ATP2C2: variants seen among roughly 807,000 people sequenced by gnomAD.
ATP2C2 encodes ATPase secretory pathway Ca2+ transporting 2.
A neutral mutation model predicts 110.8 loss-of-function variants in ATP2C2; 171 were observed. The ratio of observed to expected loss-of-function variants is 1.54; its 90% CI spans 1.36 to 1.75. ATP2C2 has a LOEUF of 1.75. ATP2C2 is among the 40% of genes most tolerant of loss of function. ATP2C2 has a pLI of 0.00. For missense variants in ATP2C2, 1,963 were observed against 1,235.0 expected (o/e 1.59, Z -8.84); for synonymous variants, 804 against 508.4 (o/e 1.58, Z -7.82).
chr16:84,386,424 A>G (rs1436684970), intron 1 of ATP2C2, among the ~76,000 whole-genome samples: 1 of 152,184 alleles, frequency 6.6e-6, no homozygotes, highest in East Asian at 1.9e-4. Context: ...TACCATTAGC[A>G]TATTTCCTTA....
chr16:84,375,464 C>T lies in ATP2C2; in HGVS notation c.99+6750C>T, dbSNP rs528082897. Among the ~76,000 whole-genome samples, 7 of 150,264 alleles carry T rather than the reference C, an allele frequency of 4.7e-5. No homozygotes were observed. The South Asian group carries it at 1.5e-3, about 32-fold the overall frequency. On this transcript the variant is annotated intron_variant, in intron 1 of 26. Transcript: ENST00000262429. The stretch of plus-strand genomic sequence containing the variant: ...GCTGAGGCAGAAGAATCACTTGAAT[C>T]GGGGAGGCACATGTTGCAGTGAGCC...
Position 84,450,449 on chromosome 16 carries a change from G to A in ATP2C2, c.1661-1472G>A, listed in dbSNP as rs1247758587. On this transcript the variant is annotated intron_variant, in intron 17 of 26. Coordinates refer to ENST00000262429, the MANE Select transcript of ATP2C2 (RefSeq NM_014861.4). ...AGGGGAAGATGAAAAACCCCACGGA[G>A]AGGGAAGGAGAGTTGGGGTGAGGGG... 2.0e-5 allele frequency among the ~76,000 whole-genome samples: 3 copies of A among 152,152 alleles called. No individual in the cohort carries two copies. The East Asian group carries it at 5.8e-4, about 29-fold the overall frequency.
intron 1 of ATP2C2, among the ~76,000 whole-genome samples, chr16:84,376,540 T>TC (rs201567483): frequency 3.9e-5 from 6 of 152,058 alleles, no homozygotes; most frequent in African/African-American, 1.4e-4. Flanking sequence ...TGGCAATTTT[T>TC]TTTTTTTTTT....
At chr16:84,442,449 A>T in intron 14 of ATP2C2, 61 bp from the exon 15 acceptor site, 4 of 1,530,292 alleles carry the variant, frequency 2.6e-6, no homozygotes, top group Non-Finnish European at 3.6e-6. Context: ...ACAGGCCCAC[A>T]ATGTCTAACT....
chr16:84,419,428 C>T (rs951655974), intron 7 of ATP2C2, among the ~76,000 whole-genome samples: 7 of 152,088 alleles, frequency 4.6e-5, no homozygotes, highest in African/African-American at 7.2e-5. Flanking sequence ...TGAGGACCCT[C>T]GTGATCTCAC....
At chr16:84,459,863 CT>C (rs1212924992) in intron 23 of ATP2C2, 21 of 381,428 alleles carry the variant, frequency 5.5e-5, no homozygotes, top group African/African-American at 3.1e-4. Context: ...TCCCTGATGT[CT>C]AGAGATAAAG....
rs568642522 is a variant in ATP2C2 at position 84,424,112 on chromosome 16, C to G, written c.919+849C>G. Among the ~76,000 whole-genome samples, 11 of 152,368 alleles carry G rather than the reference C, an allele frequency of 7.2e-5. No homozygotes were observed. The East Asian group carries it at 2.1e-3, about 29-fold the overall frequency. On this transcript the variant is annotated intron_variant, in intron 10 of 26. Coordinates refer to ENST00000262429, the MANE Select transcript of ATP2C2 (RefSeq NM_014861.4). ...AATCAAGGAATAAACCAACAAGCCA[C>G]TGCCTATAGCACATCTAGTGATGAG...
chr16:84,451,663 T>C (rs1910276233), intron 17 of ATP2C2, among the ~76,000 whole-genome samples: 1 of 151,940 alleles, frequency 6.6e-6, no homozygotes, highest in South Asian at 2.1e-4. Context: ...CATGGTGAAA[T>C]CCTGTCTCTA....
chr16:84,400,472 G>T (rs866518541), intron 2 of ATP2C2, among the ~76,000 whole-genome samples: 1 of 151,898 alleles, frequency 6.6e-6, no homozygotes, highest in African/African-American at 2.4e-5. Context: ...GACTACAGGC[G>T]CCTGCCACCA....
At position 84,412,001 on chromosome 16, in the gene ATP2C2, C is replaced by G. The variant is rs1906350548; in HGVS notation, c.515+1236C>G. 3.1e-5 allele frequency among the ~76,000 whole-genome samples: 4 copies of G among 130,808 alleles called. No homozygotes were observed. In the South Asian group the frequency reaches 9.7e-4, roughly 32 times the overall value. The allele number at this position is 130,808 out of a possible 152,430, so 85.8% of individuals were successfully genotyped here. On this transcript the variant is annotated intron_variant, in intron 6 of 26. Transcript: ENST00000262429. Reference sequence around the variant, plus strand: ...TTTCTTTTCCTTTCTTCCTTTCTTTCTTTTTCTTTTTGTTGTTGTTGTTGT... The same window carrying G: ...TTTCTTTTCCTTTCTTCCTTTCTTTGTTTTTCTTTTTGTTGTTGTTGTTGT...
At chr16:84,431,187 G>A (rs564272687) in intron 11 of ATP2C2, among the ~76,000 whole-genome samples, 14 of 152,126 alleles carry the variant, frequency 9.2e-5, no homozygotes, top group Admixed American at 6.5e-4. Flanking sequence ...AATAACTGCC[G>A]AGAAAGAGAT....
At chr16:84,436,457 C>T (rs944080168) in intron 11 of ATP2C2, among the ~76,000 whole-genome samples, 9 of 152,134 alleles carry the variant, frequency 5.9e-5, no homozygotes, top group Non-Finnish European at 4.4e-5. Flanking sequence ...GGGGCTTCTG[C>T]AGGGTCCCTG....
intron 17 of ATP2C2, among the ~76,000 whole-genome samples, chr16:84,450,655 C>T (rs533043281): frequency 3.3e-5 from 5 of 152,132 alleles, no homozygotes; most frequent in Admixed American, 6.5e-5. Flanking sequence ...CATGCCAGCC[C>T]CATCTTTGGT....
intron 6 of ATP2C2, among the ~76,000 whole-genome samples, chr16:84,413,043 A>T (rs1906518880): frequency 6.6e-6 from 1 of 151,330 alleles, no homozygotes; most frequent in African/African-American, 2.4e-5. Flanking sequence ...GGTTGCAGTG[A>T]GCCAAGAGTG....
At chr16:84,460,513 G>A (rs752819073) in intron 23 of ATP2C2, 141 bp from the exon 24 acceptor site, 15 of 1,168,202 alleles carry the variant, frequency 1.3e-5, no homozygotes, top group Non-Finnish European at 1.8e-5. Context: ...GAGGGCAGGT[G>A]CGATGCCTGG....
chr16:84,398,539 A>G lies in ATP2C2; in HGVS notation c.140A>G (p.Lys47Arg), dbSNP rs752404527. The G allele has an allele frequency of 3.1e-6, 5 of 1,613,610 alleles. No individual in the cohort carries two copies. The highest frequency in any genetic ancestry group is 3.3e-5 in the Admixed American group (2 of 59,852). ...GAGCTGAAAGCCATCGAGAAAGAGA[A>G]GAAGGTGACAGCCCTGCCCCCCAAG... ...QSELKAIEKE[K>R]KVTALPPKEA... Residue 47 changes from lysine to arginine, a missense_variant, in exon 2 of 27, where the codon AAG becomes AGG. Physicochemically the swap from Lys to Arg is conservative, Grantham distance 26. Coordinates refer to ENST00000262429, the MANE Select transcript of ATP2C2 (RefSeq NM_014861.4).
chr16:84,446,281 G>A (rs533631165), intron 15 of ATP2C2, 48 bp from the exon 16 acceptor site: 4 of 1,155,138 alleles, frequency 3.5e-6, no homozygotes, highest in African/African-American at 1.6e-5. Context: ...TTTGTATAGA[G>A]ATTGGCTTCG....
At chr16:84,460,830 C>G in intron 24 of ATP2C2, 29 bp downstream of exon 24, 3 of 1,594,560 alleles carry the variant, frequency 1.9e-6, no homozygotes, top group Non-Finnish European at 2.6e-6. Context: ...GGCCTGTTCT[C>G]CAAGCCCTGG....
intron 21 of ATP2C2, among the ~76,000 whole-genome samples, 177 bp from the exon 22 acceptor site, chr16:84,458,943 T>A (rs1457834263): frequency 6.6e-6 from 1 of 152,104 alleles, no homozygotes; most frequent in Non-Finnish European, 1.5e-5. Context: ...GGGCACCTGT[T>A]AGAACACCAC....
Sources: allele counts gnomAD v4.1 joint callset (sites outside exome capture counted in the v4.1 genomes callset), GRCh38; gene constraint gnomAD v4.1.1; transcripts MANE v1.5; gene names NCBI Gene and HGNC (gene_info 2026-07-23, HGNC 2026-07-21).